THAP9: variants seen among roughly 807,000 people sequenced by gnomAD.
THAP9 encodes the protein THAP domain containing 9.
Under a neutral mutation model 35.7 loss-of-function variants are expected in THAP9, and 20 were observed. That is an observed-to-expected ratio of 0.56 (90% CI 0.39 to 0.81). The LOEUF (loss-of-function observed/expected upper bound fraction) is 0.81, where lower values mean the gene tolerates loss of function less well. Among genes scored for constraint, THAP9 ranks in the 40% least tolerant of loss-of-function variants. THAP9 has a pLI of 0.00. For missense variants in THAP9, 870 were observed against 1,047.4 expected (o/e 0.83, Z 2.34); for synonymous variants, 335 against 373.7 (o/e 0.90, Z 1.19).
At chr4:82,908,639 A>C (rs1720749067) in intron 4 of THAP9, among the ~76,000 whole-genome samples, 1 of 152,194 alleles carries the variant, frequency 6.6e-6, no homozygotes. Context: ...CCCAGGCTGC[A>C]TGCAGCACAG....
intron 4 of THAP9, among the ~76,000 whole-genome samples, chr4:82,909,806 T>C (rs1191538506): frequency 2.0e-5 from 3 of 152,188 alleles, no homozygotes; most frequent in Non-Finnish European, 2.9e-5. Flanking sequence ...ACTGTGTTGA[T>C]AATTTCTCCT....
At chr4:82,906,651 G>A in intron 3 of THAP9, 24 bp downstream of exon 3, 2 of 1,528,990 alleles carry the variant, frequency 1.3e-6, no homozygotes, top group African/African-American at 1.4e-5. Flanking sequence ...GTAACCTGTA[G>A]TATTTACAAA....
Position 82,917,257 on chromosome 4 carries a change from T to A in THAP9, c.1045T>A (p.Leu349Met). 6.2e-7 allele frequency: 1 copy of A among 1,614,168 alleles called. No homozygotes were observed. Residue 349 changes from leucine to methionine, a missense_variant, in exon 5 of 5, where the codon TTG becomes ATG. Physicochemically the swap from Leu to Met is conservative, Grantham distance 15. Around this residue, in one of 3 missense-constraint regions of THAP9, gnomAD observed 440 missense variants for 501.2 expected, o/e 0.88. Coordinates refer to ENST00000302236, the MANE Select transcript of THAP9 (RefSeq NM_024672.6). ...YFFVNRASGYLQAQLLRLTIG... is the reference protein window; with the variant it reads ...YFFVNRASGYMQAQLLRLTIG... ...TTTTGTAAACAGAGCATCTGGATATTTGCAGGCTCAGCTGCTTCGTCTGAC... is the reference window on the plus strand; with the variant it reads ...TTTTGTAAACAGAGCATCTGGATATATGCAGGCTCAGCTGCTTCGTCTGAC...
Position 82,906,643 on chromosome 4 carries a change from A to G in THAP9, c.580+16A>G. On this transcript the variant is annotated intron_variant, in intron 3 of 4. Transcript: ENST00000302236. ...CAATTTTCAGGTACTTCCCCCTAGT[A>G]ACCTGTAGTATTTACAAAAATAGCT... 1 of 1,553,302 alleles carries G rather than the reference A, an allele frequency of 6.4e-7. No homozygotes were observed. Among genetic ancestry groups the G allele is most frequent in the South Asian group, 1.2e-5 (1 of 81,614 alleles).
intron 1 of THAP9, among the ~76,000 whole-genome samples, chr4:82,901,686 G>A (rs940182790): frequency 1.0e-5 from 1 of 99,894 alleles, no homozygotes; most frequent in Admixed American, 9.6e-5. Context: ...AGTATGTATG[G>A]TAGGCTATGT....
Position 82,919,167 on chromosome 4 carries a change from G to T in THAP9, c.*243G>T. 2.9e-6 allele frequency: 1 copy of T among 340,874 alleles called. No homozygotes were observed. Among genetic ancestry groups the T allele is most frequent in the Non-Finnish European group, 5.3e-6 (1 of 188,542 alleles). 21.1% of individuals were successfully genotyped at this position (340,874 alleles called of 1,614,324 possible). On this transcript the variant is annotated 3_prime_UTR_variant, in exon 5 of 5. Coordinates refer to ENST00000302236, the MANE Select transcript of THAP9 (RefSeq NM_024672.6). ...TCAGTAGGAGCAAACTAGCCAACAGGTACTGTCTTTGAATTTACTACTGTA... is the reference window on the plus strand; with the variant it reads ...TCAGTAGGAGCAAACTAGCCAACAGTTACTGTCTTTGAATTTACTACTGTA...
chr4:82,905,589 T>C (rs1026795186), intron 2 of THAP9, among the ~76,000 whole-genome samples: 2 of 152,174 alleles, frequency 1.3e-5, no homozygotes, highest in Non-Finnish European at 2.9e-5. Flanking sequence ...TATTCGGAAG[T>C]ATTTAGTTGG....
Position 82,918,888 on chromosome 4 carries a change from G to T in THAP9, c.2676G>T (p.Arg892Ser). The T allele has an allele frequency of 1.9e-6, 3 of 1,606,348 alleles. No individual in the cohort carries two copies. Among genetic ancestry groups the T allele is most frequent in the Non-Finnish European group, 2.6e-6 (3 of 1,176,074 alleles). Reference protein sequence around the residue: ...SSFANTSSKFRHLLSNDGYPF... With the variant: ...SSFANTSSKFSHLLSNDGYPF... Reference sequence around the variant, plus strand: ...TTGCTAATACCAGTAGTAAATTCAGGCATTTGCTAAGTAACGATGGATATC... The same window carrying T: ...TTGCTAATACCAGTAGTAAATTCAGTCATTTGCTAAGTAACGATGGATATC... The change falls in exon 5 of 5, where the codon AGG becomes AGT. Residue 892 changes from arginine to serine, a missense_variant. Physicochemically the swap from Arg to Ser is moderately radical, Grantham distance 110. This residue lies in a region of THAP9 where 414 missense variants were observed against 500.8 expected (regional missense o/e 0.83). Coordinates refer to ENST00000302236, the MANE Select transcript of THAP9 (RefSeq NM_024672.6).
At position 82,917,375 on chromosome 4, in the gene THAP9, T is replaced by C. The variant is rs369876121; in HGVS notation, c.1163T>C (p.Ile388Thr). ...GTTCAGATGGCAAAAGCATTGGGGATACATATTGATGGAGACGACATGAAA... is the reference window on the plus strand; with the variant it reads ...GTTCAGATGGCAAAAGCATTGGGGACACATATTGATGGAGACGACATGAAA... Reference protein sequence around the residue: ...HSVQMAKALGIHIDGDDMKCT... With the variant: ...HSVQMAKALGTHIDGDDMKCT... The change falls in exon 5 of 5, where the codon ATA (isoleucine) becomes ACA (threonine). Residue 388 changes from isoleucine (I) to threonine (T), a missense_variant. By Grantham distance (89) the Ile-to-Thr change is moderately conservative. This residue lies in a region of THAP9 where 440 missense variants were observed against 501.2 expected (regional missense o/e 0.88). Transcript: ENST00000302236. 52 of 1,613,606 alleles carry C rather than the reference T, an allele frequency of 3.2e-5. No homozygotes were observed. Among genetic ancestry groups the C allele is most frequent in the Non-Finnish European group, 4.2e-5 (50 of 1,179,736 alleles).
chr4:82,909,786 T>A lies in THAP9; in HGVS notation c.731+1851T>A, dbSNP rs567389521. Among the ~76,000 whole-genome samples, 6 of 152,256 alleles carry A rather than the reference T, an allele frequency of 3.9e-5. No homozygotes were observed. In the East Asian group the frequency reaches 1.2e-3, roughly 29 times the overall value. The stretch of plus-strand genomic sequence containing the variant: ...ATTCACTTTTTGCTAAGCAAGAGAG[T>A]TTTATAGGTACTGTGTTGATAATTT... On this transcript the variant is annotated intron_variant, in intron 4 of 4. Coordinates refer to ENST00000302236, the MANE Select transcript of THAP9 (RefSeq NM_024672.6).
rs1721152250 is a variant in THAP9 at position 82,919,128 on chromosome 4, T to C, written c.*204T>C. The C allele has an allele frequency of 2.2e-6, 1 of 448,758 alleles. No individual in the cohort carries two copies. The highest frequency in any genetic ancestry group is 3.7e-5 in the East Asian group (1 of 26,880). The allele number at this position is 448,758 out of a possible 1,614,324, so 27.8% of individuals were successfully genotyped here. ...CAGCATTTATGAGTTTTCCAAAATA[T>C]AGAAAGCAGTAGGTCAGTAGGAGCA... On this transcript the variant is annotated 3_prime_UTR_variant, in exon 5 of 5. Coordinates refer to ENST00000302236, the MANE Select transcript of THAP9 (RefSeq NM_024672.6).
intron 1 of THAP9, chr4:82,901,304 C>T (rs13130011): frequency 0.21 from 82,636 of 397,182 alleles, 9,372 homozygotes; most frequent in South Asian, 0.31. Flanking sequence ...TGCTGTTAGC[C>T]GAGCTGTGCA....
rs1440701751 is a variant in THAP9 at position 82,907,898 on chromosome 4, A to C, written c.694A>C (p.Lys232Gln). Residue 232 changes from lysine to glutamine, a missense_variant, in exon 4 of 5, where the codon AAG (lysine) becomes CAG (glutamine). Around this residue, in one of 3 missense-constraint regions of THAP9, gnomAD observed 440 missense variants for 501.2 expected, o/e 0.88. Coordinates refer to ENST00000302236, the MANE Select transcript of THAP9 (RefSeq NM_024672.6). Reference protein sequence around the residue: ...CSSKVYDYVRKILKLPHSSIL... With the variant: ...CSSKVYDYVRQILKLPHSSIL... ...TAGCAAAGTCTATGATTATGTAAGA[A>C]AGATTCTTAAGCTGCCTCATTCTTC... 4.3e-6 allele frequency: 7 copies of C among 1,610,102 alleles called. No homozygotes were observed. Among genetic ancestry groups the C allele is most frequent in the Non-Finnish European group, 5.9e-6 (7 of 1,178,824 alleles).
intron 1 of THAP9, among the ~76,000 whole-genome samples, chr4:82,902,324 C>T (rs1371621823): frequency 6.6e-6 from 1 of 150,768 alleles, no homozygotes; most frequent in Non-Finnish European, 1.5e-5. Flanking sequence ...TCTCCAACTT[C>T]TTGGCTGGGA....
Position 82,900,775 on chromosome 4 carries a change from C to T in THAP9, c.-28C>T, listed in dbSNP as rs1200268746. On this transcript the variant is annotated 5_prime_UTR_variant, in exon 1 of 5. The change creates a premature stop within an existing upstream ORF in the 5' untranslated region. Transcript: ENST00000302236. ...GTGATTCATGCTGTCGCGGGAACCC[C>T]GAAGGTGGGGCCCCACGTAACAAGA... The T allele has an allele frequency of 6.2e-7, 1 of 1,613,200 alleles. No individual in the cohort carries two copies. The highest frequency in any genetic ancestry group is 1.3e-5 in the African/African-American group (1 of 74,936).
intron 1 of THAP9, 52 bp downstream of exon 1, chr4:82,900,934 G>A (rs747888288): frequency 1.2e-6 from 2 of 1,604,780 alleles, no homozygotes; most frequent in African/African-American, 2.7e-5. Context: ...GGGCCCGGCG[G>A]GCCGTGGCGT....
At chr4:82,908,491 C>A (rs958411920) in intron 4 of THAP9, among the ~76,000 whole-genome samples, 56 of 152,196 alleles carry the variant, frequency 3.7e-4, no homozygotes, top group African/African-American at 1.4e-3. Flanking sequence ...AGATATAATT[C>A]TCTTAGTGTG....
chr4:82,909,820 A>G (rs997614740), intron 4 of THAP9, among the ~76,000 whole-genome samples: 6 of 152,070 alleles, frequency 3.9e-5, no homozygotes, highest in Admixed American at 2.6e-4. Context: ...TTCTCCTCCT[A>G]TACCTTTTTG....
rs1422609627 is a variant in THAP9 at position 82,917,062 on chromosome 4, A to G, written c.850A>G (p.Met284Val). 6.2e-7 allele frequency: 1 copy of G among 1,613,292 alleles called. No homozygotes were observed. Residue 284 changes from methionine (M) to valine (V), a missense_variant, in exon 5 of 5, where the codon ATG becomes GTG. Transcript: ENST00000302236. ...ATACTGTTCATTGTTAATAAAAAGTATGCCTCTCAAGCAACAGCTTCAGTG... is the reference window on the plus strand; with the variant it reads ...ATACTGTTCATTGTTAATAAAAAGTGTGCCTCTCAAGCAACAGCTTCAGTG... ...YQYCSLLIKS[M>V]PLKQQLQWDP...
Sources: gnomAD v4.1 joint callset for allele counts (sites outside exome capture counted in the v4.1 genomes callset) on GRCh38, gnomAD v4.1.1 for gene constraint, gnomAD v4.1.1 regional missense constraint, MANE v1.5 for transcripts, NCBI Gene and HGNC (gene_info 2026-07-23, HGNC 2026-07-21) for gene names.